The following PRDM10 variants were observed in gnomAD, a reference collection of about 807,000 sequenced individuals.
PRDM10 encodes the protein PR domain zinc finger protein 10.
Under a neutral mutation model 133.1 loss-of-function variants are expected in PRDM10, and 65 were observed. That is an observed-to-expected ratio of 0.49 (90% CI 0.40 to 0.60). The LOEUF is 0.60. Ranked by LOEUF, PRDM10 falls within the 20% of genes least tolerant of loss-of-function variation. The probability of loss-of-function intolerance (pLI) is 0.00; values close to 1 mark genes in which losing one functional copy is unlikely to be tolerated. For synonymous variants in PRDM10, 582 were observed against 580.4 expected (o/e 1.00, Z -0.04); for missense variants, 1,137 against 1,507.1 (o/e 0.75, Z 4.07).
At chr11:129,973,126 A>T (rs545154704) in intron 1 of PRDM10, among the ~76,000 whole-genome samples, 18 of 152,334 alleles carry the variant, frequency 1.2e-4, no homozygotes, top group African/African-American at 4.1e-4. Flanking sequence ...GAGTAATCCT[A>T]TGAGATTATA....
At chr11:129,982,210 G>A (rs1271214280) in intron 1 of PRDM10, among the ~76,000 whole-genome samples, 1 of 152,076 alleles carries the variant, frequency 6.6e-6, no homozygotes, top group Non-Finnish European at 1.5e-5. Context: ...AGTGAGCTGT[G>A]ATGGTACCAC....
chr11:129,902,655 T>C (rs1040647464), intron 20 of PRDM10, 139 bp from the exon 21 acceptor site: 36 of 1,364,720 alleles, frequency 2.6e-5, no homozygotes, highest in Non-Finnish European at 1.9e-6. Flanking sequence ...GCCTAGGTCC[T>C]TTAGAGAGGG....
intron 1 of PRDM10, among the ~76,000 whole-genome samples, chr11:129,975,504 C>T (rs866696998): frequency 1.3e-5 from 2 of 152,022 alleles, no homozygotes; most frequent in Non-Finnish European, 2.9e-5. Context: ...CTATAAAAAA[C>T]GTAAATAAAA....
chr11:129,970,503 T>C (rs1330928187), intron 1 of PRDM10, among the ~76,000 whole-genome samples: 1 of 151,822 alleles, frequency 6.6e-6, no homozygotes, highest in East Asian at 1.9e-4. Context: ...GATTCCAGTA[T>C]AAATGACTCC....
At chr11:129,958,368 G>A (rs1341381719) in intron 2 of PRDM10, among the ~76,000 whole-genome samples, 4 of 152,152 alleles carry the variant, frequency 2.6e-5, no homozygotes, top group Non-Finnish European at 5.9e-5. Context: ...TTGGCTAGGC[G>A]TGGTGGTTCA....
At chr11:129,905,495 G>A in intron 20 of PRDM10, 143 bp downstream of exon 20, 1 of 690,720 alleles carries the variant, frequency 1.4e-6, no homozygotes, top group Admixed American at 2.3e-5. Flanking sequence ...AAGTGATAAT[G>A]CCCAAGACCT....
intron 20 of PRDM10, among the ~76,000 whole-genome samples, chr11:129,904,821 C>T (rs568359771): frequency 9.2e-4 from 140 of 151,858 alleles, no homozygotes; most frequent in Non-Finnish European, 1.6e-3. Flanking sequence ...TCTAAATTCA[C>T]ATGTATGTAC....
intron 14 of PRDM10, among the ~76,000 whole-genome samples, chr11:129,917,922 G>A (rs1034892584): frequency 7.2e-5 from 11 of 152,212 alleles, no homozygotes; most frequent in Non-Finnish European, 1.3e-4. Flanking sequence ...CCTGAGGTCA[G>A]GAGTTTGAGA....
At chr11:129,972,272 G>A (rs1366804138) in intron 1 of PRDM10, among the ~76,000 whole-genome samples, 1 of 152,254 alleles carries the variant, frequency 6.6e-6, no homozygotes, top group Non-Finnish European at 1.5e-5. Context: ...GGCTCCCACA[G>A]TGCAGCGGTG....
rs1011405510 is a variant in PRDM10, at chr11:129,900,032, G to A, written c.*2281C>T. 5.2e-5 allele frequency: 8 copies of A among 152,564 alleles called. No individual in the cohort carries two copies. The highest frequency in any genetic ancestry group is 2.1e-4 in the South Asian group (1 of 4,820). The allele number at this position is 152,564 out of a possible 1,614,324, so 9.5% of individuals were successfully genotyped here. ...TCTATTTCTGTCGGTACAAATCAATGATAAAAACAAAATCTACATCCAACC... is the reference window on the plus strand; with the variant it reads ...TCTATTTCTGTCGGTACAAATCAATAATAAAAACAAAATCTACATCCAACC... On this transcript the variant is annotated 3_prime_UTR_variant, in exon 21 of 21. Transcript: ENST00000360871.
chr11:129,945,564 T>C lies in PRDM10; in HGVS notation c.521-552A>G, dbSNP rs958279287. ...CAGTGCATACTGTCTGATTAGATAA[T>C]GCTAAAATGAACAAATTTAGAATCC... On this transcript the variant is annotated intron_variant, in intron 5 of 20. Transcript: ENST00000360871. The surrounding 1 kb of genome is among the most constrained non-coding windows in gnomAD (Gnocchi z 4.2). Among the ~76,000 whole-genome samples the C allele has an allele frequency of 6.6e-6, 1 of 152,122 alleles. No homozygotes were observed. Among genetic ancestry groups the C allele is most frequent in the Non-Finnish European group, 1.5e-5 (1 of 68,026 alleles).
At chr11:129,961,753 T>C (rs1412887298) in intron 1 of PRDM10, among the ~76,000 whole-genome samples, 1 of 152,118 alleles carries the variant, frequency 6.6e-6, no homozygotes, top group Non-Finnish European at 1.5e-5. Flanking sequence ...ATGCTTGCTA[T>C]GTTCTAAACA....
At chr11:129,990,378 CG>C (rs1565515091) in intron 1 of PRDM10, among the ~76,000 whole-genome samples, 1 of 148,400 alleles carries the variant, frequency 6.7e-6, no homozygotes, top group Non-Finnish European at 1.5e-5. Context: ...AAAAATAAGC[CG>C]GGCGTGGTGG....
rs200441696 is a variant in PRDM10, at chr11:129,969,647, A to AG, written c.-118-8566_-118-8565insC. On this transcript the variant is annotated intron_variant, in intron 1 of 20. Transcript: ENST00000360871. ...CATCTCTACTAGAAATACAAAAAAAAAAAAAAAAAATTAGCCGGGCGTGGT... is the reference window on the plus strand; with the variant it reads ...CATCTCTACTAGAAATACAAAAAAAAGAAAAAAAAAATTAGCCGGGCGTGGT... Among the ~76,000 whole-genome samples the AG allele has an allele frequency of 5.4e-3, 823 of 151,678 alleles. 11 individuals are homozygous for AG. The highest frequency in any genetic ancestry group is 0.019 in the African/African-American group (772 of 41,320).
At position 129,925,133 on chromosome 11, in the gene PRDM10, G is replaced by A. The variant is rs1950637496; in HGVS notation, c.1627C>T (p.Gln543Ter). The A allele has an allele frequency of 6.2e-7, 1 of 1,614,172 alleles. No individual in the cohort carries two copies. The highest frequency in any genetic ancestry group is 2.2e-5 in the East Asian group (1 of 44,876). ...TCCCGCCCATGGAAGCGTAAGTGCT[G>A]GTCCAGTTTGTCCTTTTCCCGGAAG... ...KAFREKDKLDQHLRFHGREGN... is the reference protein window; with the variant it reads ...KAFREKDKLD The change falls in exon 12 of 21, where the codon CAG (glutamine) becomes TAG (stop). Residue 543 changes from glutamine (Q) to a stop codon, truncating the protein, a stop_gained. Transcript: ENST00000360871. LOFTEE classifies it high-confidence loss of function.
intron 1 of PRDM10, among the ~76,000 whole-genome samples, chr11:129,968,065 T>C (rs896379471): frequency 6.6e-6 from 1 of 152,148 alleles, no homozygotes; most frequent in African/African-American, 2.4e-5. Context: ...CAGATTCAGC[T>C]TCAAAGGTAG....
At chr11:129,961,783 T>C (rs1207294534) in intron 1 of PRDM10, among the ~76,000 whole-genome samples, 1 of 152,092 alleles carries the variant, frequency 6.6e-6, no homozygotes, top group Non-Finnish European at 1.5e-5. Flanking sequence ...GGTGGGTGTG[T>C]GTATATATAA....
intron 9 of PRDM10, among the ~76,000 whole-genome samples, chr11:129,932,795 T>G (rs1224989430): frequency 3.3e-5 from 5 of 152,156 alleles, no homozygotes; most frequent in Non-Finnish European, 5.9e-5. Flanking sequence ...AGGCTAGGTC[T>G]TGCTCTGCTA....
At chr11:129,939,966 A>T (rs1177165207) in intron 7 of PRDM10, among the ~76,000 whole-genome samples, 1 of 152,216 alleles carries the variant, frequency 6.6e-6, no homozygotes, top group Non-Finnish European at 1.5e-5. Flanking sequence ...ACTTATTTTT[A>T]AAATATTGCA....
Sources: allele counts gnomAD v4.1 joint callset (sites outside exome capture counted in the v4.1 genomes callset), GRCh38; gene constraint gnomAD v4.1.1; non-coding constraint Gnocchi (gnomAD v3.1); transcripts MANE v1.5; gene names NCBI Gene and HGNC (gene_info 2026-07-23, HGNC 2026-07-21).